Variants in LPCAT3 observed in about 807,000 individuals in gnomAD.
The protein encoded by LPCAT3 is lysophospholipid acyltransferase 5.
LPCAT3 carries 21 observed loss-of-function variants against 63.4 expected under a neutral mutation model. That is an observed-to-expected ratio of 0.33 (90% CI 0.23 to 0.48). LPCAT3 has a LOEUF of 0.48. LPCAT3 is among the 20% of genes least tolerant of loss of function. The pLI, the probability that LPCAT3 is intolerant of heterozygous loss-of-function variation, is 0.99. For synonymous variants in LPCAT3, 242 were observed against 227.5 expected, an observed-to-expected ratio of 1.06 and a Z score of -0.58; for missense variants, 451 against 590.6, an observed-to-expected ratio of 0.76 and a Z score of 2.45.
At chr12:6,997,029 C>T (rs944742323) in intron 1 of LPCAT3, among the ~76,000 whole-genome samples, 5 of 152,014 alleles carry the variant, frequency 3.3e-5, no homozygotes, top group African/African-American at 1.2e-4. Flanking sequence ...AATCAATTGA[C>T]TAGGTGTAGG....
chr12:6,979,117 C>T, intron 7 of LPCAT3: 1 of 329,610 alleles, frequency 3.0e-6, no homozygotes, highest in Middle Eastern at 8.8e-4. Flanking sequence ...TTTCTGAATT[C>T]CCTAGAAGTG....
chr12:6,992,367 C>T (rs1395053635), intron 1 of LPCAT3, among the ~76,000 whole-genome samples: 1 of 151,868 alleles, frequency 6.6e-6, no homozygotes, highest in African/African-American at 2.4e-5. Flanking sequence ...ATCAACGATT[C>T]TTAAGTGAAA....
chr12:6,979,831 TTACCC>T (rs1946451505), intron 6 of LPCAT3: 1 of 505,574 alleles, frequency 2.0e-6, no homozygotes, highest in African/African-American at 1.9e-5. Context: ...AGTCTTGTGT[TTACCC>T]CTCAGGGATG....
chr12:6,984,249 G>T (rs1946500517), intron 1 of LPCAT3, among the ~76,000 whole-genome samples: 1 of 152,226 alleles, frequency 6.6e-6, no homozygotes, highest in Admixed American at 6.5e-5. Context: ...CCATGATTCA[G>T]AGTATAGTCC....
intron 7 of LPCAT3, chr12:6,978,935 A>C: frequency 2.0e-6 from 1 of 497,840 alleles, no homozygotes; most frequent in South Asian, 2.9e-5. Flanking sequence ...TAACTTCTCT[A>C]CTGTTTGCCT....
chr12:6,979,289 T>G (rs112227150), intron 7 of LPCAT3, 182 bp downstream of exon 7: 1 of 605,808 alleles, frequency 1.7e-6, no homozygotes, highest in Non-Finnish European at 2.9e-6. Context: ...GCGAAGGTTG[T>G]TCAGTGCTGG....
At chr12:6,981,441 G>A (rs1555154051) in intron 5 of LPCAT3, 154 bp downstream of exon 5, 3 of 804,076 alleles carry the variant, frequency 3.7e-6, no homozygotes, top group Non-Finnish European at 6.3e-6. Context: ...TAGATTTGTT[G>A]ATCCTTGCTC....
Position 7,017,446 on chromosome 12 carries a change from G to A in LPCAT3, c.151+828C>T, listed in dbSNP as rs1053863092. On this transcript the variant is annotated intron_variant, in intron 1 of 12. Transcript: ENST00000261407. This position sits in a 1 kb window ranked among gnomAD's most constrained non-coding sequence, Gnocchi z 4.1. ...TGTGAGCAGCAACAAGGCTGGATCT[G>A]ATTTGTTTGCCTTCAAAACCCATAC... 6.6e-6 allele frequency among the ~76,000 whole-genome samples: 1 copy of A among 152,112 alleles called. No individual in the cohort carries two copies. Among genetic ancestry groups the A allele is most frequent in the Non-Finnish European group, 1.5e-5 (1 of 68,020 alleles).
chr12:6,997,379 ATGTGTGTGTG>A (rs201579525), intron 1 of LPCAT3: 2,614 of 114,124 alleles, frequency 0.023, 55 homozygotes, highest in South Asian at 0.074. Flanking sequence ...ACAGCAAATT[ATGTGTGTGTG>A]TGTGTGTGTG....
At chr12:7,004,051 TGA>T (rs782074418) in intron 1 of LPCAT3, among the ~76,000 whole-genome samples, 2 of 152,194 alleles carry the variant, frequency 1.3e-5, no homozygotes, top group East Asian at 3.9e-4. Context: ...ACAGAAAGTA[TGA>T]GAGACTGGTT....
At chr12:7,009,205 G>A (rs1946746167) in intron 1 of LPCAT3, among the ~76,000 whole-genome samples, 2 of 152,130 alleles carry the variant, frequency 1.3e-5, no homozygotes, top group Admixed American at 1.3e-4. Context: ...GGGACTACAG[G>A]CATGTGCCAC....
chr12:7,016,942 T>C (rs886995092), intron 1 of LPCAT3, among the ~76,000 whole-genome samples: 2 of 152,224 alleles, frequency 1.3e-5, no homozygotes, highest in East Asian at 3.8e-4. Context: ...GTTTGATATG[T>C]AATAGGAAAG....
At chr12:6,985,249 A>G (rs1306006267) in intron 1 of LPCAT3, among the ~76,000 whole-genome samples, 2 of 151,858 alleles carry the variant, frequency 1.3e-5, no homozygotes, top group African/African-American at 2.4e-5. Context: ...AAAAAAAATT[A>G]GCCGGGTGTG....
intron 1 of LPCAT3, among the ~76,000 whole-genome samples, chr12:6,990,551 AAATAAATAAATAAATT>A (rs1247163640): frequency 2.1e-5 from 3 of 144,700 alleles, no homozygotes; most frequent in South Asian, 2.1e-4. Flanking sequence ...ATAAATAAAT[AAATAAATAAATAAATT>A]GAGCACCCCA....
Position 6,980,660 on chromosome 12 carries a change from T to C in LPCAT3, c.677+344A>G, listed in dbSNP as rs780665232. On this transcript the variant is annotated intron_variant, in intron 6 of 12. Coordinates refer to ENST00000261407, the MANE Select transcript of LPCAT3 (RefSeq NM_005768.6). ...GTGAAACCACTGTGCCCAGCCTCTA[T>C]CTACCTACCTACCTATCAACCTGCC... The C allele has an allele frequency of 1.5e-3, 241 of 163,966 alleles. 1 individual carries two copies. The highest frequency in any genetic ancestry group is 2.6e-3 in the Non-Finnish European group (201 of 76,126). 10.2% of individuals were successfully genotyped at this position (163,966 alleles called of 1,614,324 possible).
chr12:7,001,080 G>A (rs1365498849), intron 1 of LPCAT3, among the ~76,000 whole-genome samples: 1 of 152,150 alleles, frequency 6.6e-6, no homozygotes, highest in Non-Finnish European at 1.5e-5. Flanking sequence ...ACCTAGGGGT[G>A]AGAAATTTTG....
intron 1 of LPCAT3, among the ~76,000 whole-genome samples, chr12:6,996,643 C>T (rs1459800816): frequency 1.3e-5 from 2 of 152,202 alleles, no homozygotes; most frequent in Admixed American, 6.5e-5. Context: ...TTATTAAGCA[C>T]TCACTATGTG....
At chr12:6,983,018 G>A (rs1158893219) in intron 2 of LPCAT3, 1 of 595,000 alleles carries the variant, frequency 1.7e-6, no homozygotes, top group Non-Finnish European at 3.1e-6. Context: ...GACTTGCTCT[G>A]TTGTCCAGAC....
chr12:6,997,746 G>A (rs1180037143), intron 1 of LPCAT3, among the ~76,000 whole-genome samples: 2 of 151,668 alleles, frequency 1.3e-5, no homozygotes, highest in East Asian at 1.9e-4. Context: ...GCCACCACAC[G>A]GGGCTAATTT....
Sources: gnomAD v4.1 joint callset for allele counts (sites outside exome capture counted in the v4.1 genomes callset) on GRCh38, gnomAD v4.1.1 for gene constraint, Gnocchi (gnomAD v3.1) non-coding constraint, MANE v1.5 for transcripts, NCBI Gene and HGNC (gene_info 2026-07-23, HGNC 2026-07-21) for gene names.